The following TRMT44 variants were observed in gnomAD, a reference collection of about 807,000 sequenced individuals.
The protein encoded by TRMT44 is tRNA methyltransferase 44 homolog.
Under a neutral mutation model 77.3 loss-of-function variants are expected in TRMT44, and 78 were observed. That is an observed-to-expected ratio of 1.01 (90% CI 0.84 to 1.22). The LOEUF (loss-of-function observed/expected upper bound fraction) is 1.22, where lower values mean the gene tolerates loss of function less well. Ranked by LOEUF, TRMT44 falls within the 50% of genes most tolerant of loss-of-function variation. The pLI is 0.00. For synonymous variants in TRMT44, 391 were observed against 383.3 expected (o/e 1.02, Z -0.23); for missense variants, 1,090 against 964.4 (o/e 1.13, Z -1.73).
At chr4:8,516,351 C>T in the TRMT44 span, among the ~76,000 whole-genome samples, 16 of 152,320 alleles carry the variant, frequency 1.1e-4, no homozygotes, top group African/African-American at 3.6e-4. Flanking sequence ...ACCAGCTGTC[C>T]TGAGGACCCC....
At chr4:8,471,412 C>T (rs150084010) in intron 10 of TRMT44, among the ~76,000 whole-genome samples, 10 of 152,324 alleles carry the variant, frequency 6.6e-5, no homozygotes, top group East Asian at 1.9e-4. Context: ...CTCTGGACCT[C>T]GTCCCATGCG....
chr4:8,471,071 C>A lies in TRMT44; in HGVS notation c.1928-13C>A. 6.4e-7 allele frequency: 1 copy of A among 1,566,132 alleles called. No individual in the cohort carries two copies. Among genetic ancestry groups the A allele is most frequent in the Non-Finnish European group, 8.6e-7 (1 of 1,159,240 alleles). On this transcript the variant is annotated splice_polypyrimidine_tract_variant and intron_variant, in intron 9 of 10. Coordinates refer to ENST00000389737, the MANE Select transcript of TRMT44 (RefSeq NM_152544.3). ...TGTTGTTTTGGGGAAAAAAAAAACC[C>A]GTTTTTCCACAGAGAGCCTATCTCT...
chr4:8,488,652 C>A lies in TRMT44; in HGVS notation n.3892-4614C>A, dbSNP rs1727894928. Among the ~76,000 whole-genome samples, 4 of 152,204 alleles carry A rather than the reference C, an allele frequency of 2.6e-5. No homozygotes were observed. The South Asian group carries it at 8.3e-4, about 32-fold the overall frequency. ...CTTCAGTTACTTCAGGCCATCTGGG[C>A]ATACACGTGCAAGTCACAGGGGATG... On this transcript the variant is annotated intron_variant and non_coding_transcript_variant, in intron 2 of 2. Transcript: ENST00000511366.
rs756750049 is a variant in TRMT44, at chr4:8,449,839, A to G, written c.905A>G (p.Tyr302Cys). 1.1e-5 allele frequency: 17 copies of G among 1,535,322 alleles called. No individual in the cohort carries two copies. The South Asian group carries it at 2.0e-4, about 18-fold the overall frequency. Residue 302 changes from tyrosine to cysteine, a missense_variant, in exon 3 of 11, where the codon TAT becomes TGT. Physicochemically the swap from Tyr to Cys is radical, Grantham distance 194 (BLOSUM62 -2). Transcript: ENST00000389737. ...STLSLISIMK[Y>C]SKAYQELKEK... is the part of the protein sequence containing the mutation. ...CTTTCCCTCATCTCCATTATGAAGTATAGCAAGGCTTACCAGGAACTTAAA... is the reference window on the plus strand; with the variant it reads ...CTTTCCCTCATCTCCATTATGAAGTGTAGCAAGGCTTACCAGGAACTTAAA...
Position 8,476,340 on chromosome 4 carries a change from G to A in TRMT44, c.*339G>A, listed in dbSNP as rs997026841. ...GCCTTGCACAGGCCCTTCCCAGGGC[G>A]CTGTCCGACGCCTGCCCCACCATGT... On this transcript the variant is annotated 3_prime_UTR_variant, in exon 11 of 11. Coordinates refer to ENST00000389737, the MANE Select transcript of TRMT44 (RefSeq NM_152544.3). The A allele has an allele frequency of 4.0e-5, 13 of 324,828 alleles. No individual in the cohort carries two copies. The highest frequency in any genetic ancestry group is 6.8e-5 in the East Asian group (1 of 14,690). The allele number at this position is 324,828 out of a possible 1,614,324, so 20.1% of individuals were successfully genotyped here.
chr4:8,501,476 A>G, the TRMT44 span, among the ~76,000 whole-genome samples: 1 of 152,192 alleles, frequency 6.6e-6, no homozygotes, highest in Non-Finnish European at 1.5e-5. The surrounding 1 kb of genome is among the most constrained non-coding windows in gnomAD (Gnocchi z 4.4). Context: ...CTCCTGGGAA[A>G]AATGGGGATG....
Position 8,441,000 on chromosome 4 carries a change from G to T in TRMT44, c.178G>T (p.Gly60Trp). 1 of 1,519,810 alleles carries T rather than the reference G, an allele frequency of 6.6e-7. No homozygotes were observed. Among genetic ancestry groups the T allele is most frequent in the South Asian group, 1.2e-5 (1 of 81,740 alleles). 94.1% of individuals were successfully genotyped at this position (1,519,810 alleles called of 1,614,324 possible). A position where few individuals can be genotyped will look rare whatever the true frequency, so the allele number is the denominator to read the frequency against. The change falls in exon 1 of 11, where the codon GGG (glycine) becomes TGG (tryptophan). Residue 60 changes from glycine to tryptophan, a missense_variant. By Grantham distance (184) the Gly-to-Trp change is radical (BLOSUM62 -2). Transcript: ENST00000389737. ...GCCCTGCGCGGAGGCCCGCGGCCCCGGGACTAGCGCAGGCTCGGAGCAGAA... is the reference window on the plus strand; with the variant it reads ...GCCCTGCGCGGAGGCCCGCGGCCCCTGGACTAGCGCAGGCTCGGAGCAGAA... The part of the protein sequence containing the change: ...ALPCAEARGP[G>W]TSAGSEQKER...
chr4:8,503,968 T>C, the TRMT44 span, among the ~76,000 whole-genome samples: 7 of 152,170 alleles, frequency 4.6e-5, no homozygotes, highest in African/African-American at 1.7e-4. Context: ...TCCCAAGCTA[T>C]GGGACAGAGC....
rs370861846 is a variant in TRMT44 at position 8,471,124 on chromosome 4, G to A, written c.1968G>A (p.Thr656=). 2.9e-5 allele frequency: 46 copies of A among 1,608,326 alleles called. No homozygotes were observed. Among genetic ancestry groups the A allele is most frequent in the Non-Finnish European group, 3.4e-5 (40 of 1,177,226 alleles). The change falls in exon 10 of 11, where the codon ACG becomes ACA. Residue 656 remains threonine, a synonymous_variant. Transcript: ENST00000389737. ...CAGAAGTAGCCAACGAGCTGGACAC[G>A]GAGACCCTGCGGAGGCTGAAGCGGG... ...SLAEVANELD[T]ETLRRLKREC... is the part of the protein sequence containing the mutation.
the TRMT44 span, chr4:8,509,265 A>G: frequency 3.9e-5 from 6 of 152,526 alleles, no homozygotes; most frequent in African/African-American, 1.4e-4. Context: ...AGTGGCACTG[A>G]TCCCTCTGAG....
intron 2 of TRMT44, among the ~76,000 whole-genome samples, chr4:8,483,421 G>C (rs892029926): frequency 6.6e-6 from 1 of 151,938 alleles, no homozygotes; most frequent in Admixed American, 6.6e-5. Flanking sequence ...TTTTTTTGGG[G>C]GGGGGCACGG....
Position 8,441,047 on chromosome 4 carries a change from C to T in TRMT44, c.225C>T (p.Gly75=). Residue 75 remains glycine (G), a synonymous_variant, in exon 1 of 11, where the codon GGC becomes GGT. Transcript: ENST00000389737. ...AGAAGGAGCGGGGTCCGGGACCCGGCCAGGGTTCCCCCGGAGGGGGCCCGG... is the reference window on the plus strand; with the variant it reads ...AGAAGGAGCGGGGTCCGGGACCCGGTCAGGGTTCCCCCGGAGGGGGCCCGG... The part of the protein sequence containing the change: ...SEQKERGPGP[G]QGSPGGGPGP... 1 of 1,487,078 alleles carries T rather than the reference C, an allele frequency of 6.7e-7. No individual in the cohort carries two copies. The highest frequency in any genetic ancestry group is 8.9e-7 in the Non-Finnish European group (1 of 1,125,404). 92.1% of individuals were successfully genotyped at this position (1,487,078 alleles called of 1,614,324 possible). A position where few individuals can be genotyped will look rare whatever the true frequency, so the allele number is the denominator to read the frequency against.
At position 8,463,964 on chromosome 4, in the gene TRMT44, CTTG is replaced by C; in HGVS notation, c.1204-18_1204-16del. 6.3e-7 allele frequency: 1 copy of C among 1,590,634 alleles called. No homozygotes were observed. On this transcript the variant is annotated intron_variant, in intron 6 of 10. Coordinates refer to ENST00000389737, the MANE Select transcript of TRMT44 (RefSeq NM_152544.3). ...TACAATGATTCACAAAACATTTCGT[CTTG>C]TTTTGTTATTCCTTTAGGAAGATGC...
At chr4:8,514,396 C>T in the TRMT44 span, among the ~76,000 whole-genome samples, 1 of 151,924 alleles carries the variant, frequency 6.6e-6, no homozygotes, top group African/African-American at 2.4e-5. Context: ...ACCTCAGCCT[C>T]CTGAGTAGCT....
chr4:8,469,368 G>A lies in TRMT44; in HGVS notation c.1927+1022G>A, dbSNP rs930032220. On this transcript the variant is annotated intron_variant, in intron 9 of 10. Transcript: ENST00000389737. Reference sequence around the variant, plus strand: ...GACTAAAGGCACCCTGCTGTGGTGGGGCTGGAGCACAGAGGAAGAAGGCTG... The same window carrying A: ...GACTAAAGGCACCCTGCTGTGGTGGAGCTGGAGCACAGAGGAAGAAGGCTG... Among the ~76,000 whole-genome samples, 4 of 152,204 alleles carry A rather than the reference G, an allele frequency of 2.6e-5. No homozygotes were observed. In the East Asian group the frequency reaches 5.8e-4, roughly 22 times the overall value.
the TRMT44 span, among the ~76,000 whole-genome samples, chr4:8,516,892 G>A: frequency 1.3e-5 from 2 of 152,260 alleles, no homozygotes; most frequent in African/African-American, 4.8e-5. Flanking sequence ...TGGCAATGAT[G>A]TACGGTTGTA....
chr4:8,449,675 ATCTG>A lies in TRMT44; in HGVS notation c.743_746del (p.Ser248PhefsTer2), dbSNP rs1725298138. ...ATTTCTCTTATTTTTAAAGGTTCAT[ATCTG>A]TTTTAATTTTCTGTCCAGAAAGATG... On this transcript the variant is annotated frameshift_variant, in exon 3 of 11. Transcript: ENST00000389737. LOFTEE classifies it high-confidence loss of function. 1 of 1,534,550 alleles carries A rather than the reference ATCTG, an allele frequency of 6.5e-7. No individual in the cohort carries two copies. The highest frequency in any genetic ancestry group is 1.4e-5 in the African/African-American group (1 of 73,008).
chr4:8,482,322 T>C (rs1172794876), intron 2 of TRMT44: 1 of 152,324 alleles, frequency 6.6e-6, no homozygotes, highest in Non-Finnish European at 1.5e-5. Flanking sequence ...TTTGAAGTCC[T>C]GGGTGAACTC....
intron 2 of TRMT44, among the ~76,000 whole-genome samples, chr4:8,484,064 T>C (rs1325446876): frequency 1.3e-5 from 2 of 152,156 alleles, no homozygotes; most frequent in Admixed American, 6.5e-5. Flanking sequence ...GGAAAGGAAA[T>C]GACAGGTTCT....
Sources: allele counts gnomAD v4.1 joint callset (sites outside exome capture counted in the v4.1 genomes callset), GRCh38; gene constraint gnomAD v4.1.1; non-coding constraint Gnocchi (gnomAD v3.1); transcripts MANE v1.5; gene names NCBI Gene and HGNC (gene_info 2026-07-23, HGNC 2026-07-21).